Variants in IZUMO1 observed in about 807,000 individuals in gnomAD.
The protein encoded by IZUMO1 is izumo sperm-oocyte fusion 1.
Under a neutral mutation model 40.7 loss-of-function variants are expected in IZUMO1, and 44 were observed. That is an observed-to-expected ratio of 1.08 (90% CI 0.85 to 1.39). The LOEUF is 1.39. Ranked by LOEUF, IZUMO1 falls within the 40% of genes most tolerant of loss-of-function variation. The pLI, the probability that IZUMO1 is intolerant of heterozygous loss-of-function variation, is 0.00. For synonymous variants in IZUMO1, 149 were observed against 170.9 expected (o/e 0.87, Z 1.00); for missense variants, 368 against 436.9 (o/e 0.84, Z 1.41).
At position 48,741,829 on chromosome 19, in the gene IZUMO1, C is replaced by T. The variant is rs147013345; in HGVS notation, c.714G>A (p.Val238=). The change falls in exon 8 of 10, where the codon GTG becomes GTA. Residue 238 remains valine (V), a synonymous_variant. Transcript: ENST00000332955. This position sits in a 1 kb window ranked among gnomAD's most constrained non-coding sequence, Gnocchi z 4.4. ...TGATGATCGTGGCTGGGCTGGAATT[C>T]ACAGAGCCCAGCTCGCAGCGGTAGC... The part of the protein sequence containing the change: ...AGSYRCELGS[V]NSSPATIINF... 1 of 1,605,856 alleles carries T rather than the reference C, an allele frequency of 6.2e-7. No individual in the cohort carries two copies. The highest frequency in any genetic ancestry group is 8.5e-7 in the Non-Finnish European group (1 of 1,173,998).
Position 48,741,420 on chromosome 19 carries a change from C to T in IZUMO1, c.813G>A (p.Glu271=). Residue 271 remains glutamate (E), a synonymous_variant, in exon 9 of 10, where the codon GAG becomes GAA. Transcript: ENST00000332955. This position sits in a 1 kb window ranked among gnomAD's most constrained non-coding sequence, Gnocchi z 4.4. ...GGCTTATGGACGACTCCGTGGTCGC[C>T]TCCCCCGGGGTTACGATATTTGGAG... ...KPSPNIVTPG[E]ATTESSISLQ... The T allele has an allele frequency of 1.2e-6, 2 of 1,613,562 alleles. No homozygotes were observed. The highest frequency in any genetic ancestry group is 1.7e-6 in the Non-Finnish European group (2 of 1,179,716).
In IZUMO1 at chr19:48,741,644, G is replaced by A; in HGVS notation, c.754+145C>T. The A allele has an allele frequency of 7.9e-7, 1 of 1,269,098 alleles. No homozygotes were observed. The highest frequency in any genetic ancestry group is 1.1e-6 in the Non-Finnish European group (1 of 935,668). 78.6% of individuals were successfully genotyped at this position (1,269,098 alleles called of 1,614,324 possible). A position where few individuals can be genotyped will look rare whatever the true frequency, so the allele number is the denominator to read the frequency against. ...CCCTGTCCTCGGGGCCAGAGGCCAC[G>A]CCCCCGGCAGGAAGCCACACCCCGT... On this transcript the variant is annotated intron_variant, in intron 8 of 9. Coordinates refer to ENST00000332955, the MANE Select transcript of IZUMO1 (RefSeq NM_182575.3). The surrounding 1 kb of genome is among the most constrained non-coding windows in gnomAD (Gnocchi z 4.4).
chr19:48,742,655 C>T (rs1029527533), intron 6 of IZUMO1, among the ~76,000 whole-genome samples: 9 of 150,728 alleles, frequency 6.0e-5, no homozygotes, highest in South Asian at 2.1e-4. Context: ...GCCTCCTTCA[C>T]GGTTCTTTAC....
rs781394787 is a variant in IZUMO1 at position 48,745,719 on chromosome 19, C to T, written c.141G>A (p.Ala47=). The T allele has an allele frequency of 2.6e-5, 42 of 1,614,094 alleles. No homozygotes were observed. The East Asian group carries it at 7.4e-4, about 28-fold the overall frequency. The change falls in exon 2 of 10, where the codon GCG becomes GCA. Residue 47 remains alanine, a synonymous_variant. Coordinates refer to ENST00000332955, the MANE Select transcript of IZUMO1 (RefSeq NM_182575.3). ...TTTCCATCATGGCTTTGTGATGCTT[C>T]GCATCCAGGTGGCCAGGCAGGTAAT... The part of the protein sequence containing the change: ...EKDYLPGHLD[A]KHHKAMMERV...
chr19:48,744,467 C>T lies in IZUMO1; in HGVS notation c.383G>A (p.Arg128Gln), dbSNP rs774644494. ...TCTTCTCTCACCCTCTTTTTGGAAT[C>T]GAGCAACATAGGTGGCAAAGGTTTC... is the stretch of plus-strand genomic sequence containing the variant. Reference protein sequence around the residue: ...QKETFATYVARFQKEAYCPNK... With the variant: ...QKETFATYVAQFQKEAYCPNK... Residue 128 changes from arginine (R) to glutamine (Q), a missense_variant, in exon 4 of 10, where the codon CGA becomes CAA. By Grantham distance (43) the Arg-to-Gln change is conservative. Coordinates refer to ENST00000332955, the MANE Select transcript of IZUMO1 (RefSeq NM_182575.3). 3.7e-6 allele frequency: 6 copies of T among 1,613,066 alleles called. No homozygotes were observed. The highest frequency in any genetic ancestry group is 1.7e-5 in the Admixed American group (1 of 59,976).
chr19:48,743,550 T>C, intron 5 of IZUMO1, 25 bp from the exon 6 acceptor site: 1 of 1,571,560 alleles, frequency 6.4e-7, no homozygotes, highest in South Asian at 1.1e-5. Flanking sequence ...TCAAGGCTTG[T>C]ATTTGCCCAC....
In IZUMO1 at chr19:48,741,960, G is replaced by C; in HGVS notation, c.601-18C>G. On this transcript the variant is annotated intron_variant, in intron 7 of 9. Coordinates refer to ENST00000332955, the MANE Select transcript of IZUMO1 (RefSeq NM_182575.3). This position sits in a 1 kb window ranked among gnomAD's most constrained non-coding sequence, Gnocchi z 4.4. ...CCCCAAACCTAGACCCAAGCTCAAG[G>C]GGTCACTGAGGCCTGAGGAATTCAG... 2 of 1,576,602 alleles carry C rather than the reference G, an allele frequency of 1.3e-6. No homozygotes were observed. The highest frequency in any genetic ancestry group is 1.1e-5 in the South Asian group (1 of 87,354).
Position 48,741,981 on chromosome 19 carries a change from T to G in IZUMO1, c.601-39A>C. On this transcript the variant is annotated intron_variant, in intron 7 of 9. Transcript: ENST00000332955. The surrounding 1 kb of genome is among the most constrained non-coding windows in gnomAD (Gnocchi z 4.4). ...CAAGGGGTCACTGAGGCCTGAGGAA[T>G]TCAGGGGTTGGGGGAGTACAGGGGT... 6.4e-7 allele frequency: 1 copy of G among 1,559,700 alleles called. No homozygotes were observed. The highest frequency in any genetic ancestry group is 8.7e-7 in the Non-Finnish European group (1 of 1,148,288).
rs1193125013 is a variant in IZUMO1 at position 48,741,044 on chromosome 19, G to A, written c.933-16C>T. On this transcript the variant is annotated splice_polypyrimidine_tract_variant and intron_variant, in intron 9 of 9. Coordinates refer to ENST00000332955, the MANE Select transcript of IZUMO1 (RefSeq NM_182575.3). The surrounding 1 kb of genome is among the most constrained non-coding windows in gnomAD (Gnocchi z 4.4). Reference sequence around the variant, plus strand: ...ACGAAATATCCTAGGGGTGGGAGTGGGGTGCAGATCATGGAACCGGTTTGG... The same window carrying A: ...ACGAAATATCCTAGGGGTGGGAGTGAGGTGCAGATCATGGAACCGGTTTGG... The A allele has an allele frequency of 1.2e-6, 2 of 1,613,362 alleles. No homozygotes were observed.
Position 48,742,262 on chromosome 19 carries a change from C to G in IZUMO1, c.547G>C (p.Glu183Gln). The change falls in exon 7 of 10, where the codon GAG becomes CAG. Residue 183 changes from glutamate (E) to glutamine (Q), a missense_variant. Physicochemically the swap from Glu to Gln is conservative, Grantham distance 29. Coordinates refer to ENST00000332955, the MANE Select transcript of IZUMO1 (RefSeq NM_182575.3). ...PQMEDMILDCELNWHQASEGL... is the reference protein window; with the variant it reads ...PQMEDMILDCQLNWHQASEGL... ...TCCGAAGCCTGATGCCAGTTTAACT[C>G]ACAGTCCAGGATCATGTCTTCCATT... The G allele has an allele frequency of 6.2e-7, 1 of 1,614,182 alleles. No homozygotes were observed. The highest frequency in any genetic ancestry group is 8.5e-7 in the Non-Finnish European group (1 of 1,180,010).
At position 48,741,544 on chromosome 19, in the gene IZUMO1, C is replaced by A; in HGVS notation, c.755-66G>T. ...GAGTTCCTGCCCTGGCAAAGACAAG[C>A]CCGTCCCAGTAGCCGGCCATCCCAG... On this transcript the variant is annotated intron_variant, in intron 8 of 9. Transcript: ENST00000332955. The surrounding 1 kb of genome is among the most constrained non-coding windows in gnomAD (Gnocchi z 4.4). The A allele has an allele frequency of 6.6e-7, 1 of 1,516,390 alleles. No individual in the cohort carries two copies. Among genetic ancestry groups the A allele is most frequent in the Non-Finnish European group, 9.0e-7 (1 of 1,110,578 alleles). 93.9% of individuals were successfully genotyped at this position (1,516,390 alleles called of 1,614,324 possible).
rs745723709 is a variant in IZUMO1 at position 48,745,224 on chromosome 19, ACTGT to A, written c.296_299del (p.Asp99ValfsTer3). 3.7e-6 allele frequency: 6 copies of A among 1,613,800 alleles called. No homozygotes were observed. The Admixed American group carries it at 6.7e-5, about 18-fold the overall frequency. On this transcript the variant is annotated frameshift_variant, in exon 3 of 10. Transcript: ENST00000332955. LOFTEE classifies it high-confidence loss of function. ...CCTTGATGCATTTACCTTTTACATC[ACTGT>A]CTGTGATGCGTTTCAGATCCTTCAG...
rs1448090834 is a variant in IZUMO1, at chr19:48,745,501, A to G, written c.235+124T>C. The G allele has an allele frequency of 3.2e-6, 4 of 1,232,780 alleles. No homozygotes were observed. The African/African-American group carries it at 4.5e-5, about 14-fold the overall frequency. 76.4% of individuals were successfully genotyped at this position (1,232,780 alleles called of 1,614,324 possible). ...ATTTACTAGCCTCGGGGAACCTCGGAATCTGCATCTCAGCCTTCTCCATTC... is the reference window on the plus strand; with the variant it reads ...ATTTACTAGCCTCGGGGAACCTCGGGATCTGCATCTCAGCCTTCTCCATTC... On this transcript the variant is annotated intron_variant, in intron 2 of 9. Coordinates refer to ENST00000332955, the MANE Select transcript of IZUMO1 (RefSeq NM_182575.3).
chr19:48,741,542 A>C lies in IZUMO1; in HGVS notation c.755-64T>G. ...TGGAGTTCCTGCCCTGGCAAAGACAAGCCCGTCCCAGTAGCCGGCCATCCC... is the reference window on the plus strand; with the variant it reads ...TGGAGTTCCTGCCCTGGCAAAGACACGCCCGTCCCAGTAGCCGGCCATCCC... On this transcript the variant is annotated intron_variant, in intron 8 of 9. Coordinates refer to ENST00000332955, the MANE Select transcript of IZUMO1 (RefSeq NM_182575.3). The surrounding 1 kb of genome is among the most constrained non-coding windows in gnomAD (Gnocchi z 4.4). The C allele has an allele frequency of 4.6e-6, 7 of 1,515,876 alleles. No homozygotes were observed. Among genetic ancestry groups the C allele is most frequent in the Non-Finnish European group, 6.3e-6 (7 of 1,109,842 alleles). 93.9% of individuals were successfully genotyped at this position (1,515,876 alleles called of 1,614,324 possible). A position where few individuals can be genotyped will look rare whatever the true frequency, so the allele number is the denominator to read the frequency against.
rs8108468 is a variant in IZUMO1 at position 48,744,529 on chromosome 19, G to A, written c.321C>T (p.Phe107=). Residue 107 remains phenylalanine (F), a synonymous_variant, in exon 4 of 10, where the codon TTC becomes TTT. Transcript: ENST00000332955. ...GCAACATCCAAAATAGCTCCTTCAC[G>A]AAGAGATCGCCTGGGAAGACACAGG... ...ITDSDVKGDL[F]VKELFWMLHL... 0.44 allele frequency: 714,704 copies of A among 1,607,918 alleles called. 165,959 individuals carry two copies. Among genetic ancestry groups the A allele is most frequent in the East Asian group, 0.85 (38,232 of 44,804 alleles).
chr19:48,741,108 C>T lies in IZUMO1; in HGVS notation c.933-80G>A. On this transcript the variant is annotated intron_variant, in intron 9 of 9. Coordinates refer to ENST00000332955, the MANE Select transcript of IZUMO1 (RefSeq NM_182575.3). This position sits in a 1 kb window ranked among gnomAD's most constrained non-coding sequence, Gnocchi z 4.4. Reference sequence around the variant, plus strand: ...GGGGGACACCCCTCCCAACCTCCCCCTTTGTGACCTTATTCTAGCAATTAC... The same window carrying T: ...GGGGGACACCCCTCCCAACCTCCCCTTTTGTGACCTTATTCTAGCAATTAC... 6 of 1,583,846 alleles carry T rather than the reference C, an allele frequency of 3.8e-6. No individual in the cohort carries two copies. The highest frequency in any genetic ancestry group is 4.3e-6 in the Non-Finnish European group (5 of 1,159,916).
intron 6 of IZUMO1, chr19:48,743,094 A>T: frequency 3.4e-6 from 1 of 292,796 alleles, no homozygotes; most frequent in South Asian, 3.6e-5. Flanking sequence ...TGGTATGATC[A>T]TAGCTTACTG....
rs769927578 is a variant in IZUMO1, at chr19:48,744,551, C to T, written c.311-12G>A. 1 of 1,589,542 alleles carries T rather than the reference C, an allele frequency of 6.3e-7. No homozygotes were observed. Among genetic ancestry groups the T allele is most frequent in the East Asian group, 2.2e-5 (1 of 44,538 alleles). On this transcript the variant is annotated splice_polypyrimidine_tract_variant and intron_variant, in intron 3 of 9. Transcript: ENST00000332955. Reference sequence around the variant, plus strand: ...CACGAAGAGATCGCCTGGGAAGACACAGGAACCCCCAATCCCACGTGTGAG... The same window carrying T: ...CACGAAGAGATCGCCTGGGAAGACATAGGAACCCCCAATCCCACGTGTGAG...
intron 1 of IZUMO1, 37 bp downstream of exon 1, chr19:48,746,398 A>C (rs927340964): frequency 2.0e-6 from 2 of 992,304 alleles, no homozygotes; most frequent in African/African-American, 3.5e-5. Context: ...CCACGATATT[A>C]TCAAACTCGG....
Sources: allele counts gnomAD v4.1 joint callset (sites outside exome capture counted in the v4.1 genomes callset), GRCh38; gene constraint gnomAD v4.1.1; non-coding constraint Gnocchi (gnomAD v3.1); transcripts MANE v1.5; gene names NCBI Gene and HGNC (gene_info 2026-07-23, HGNC 2026-07-21).